The following SIK2 variants were observed in gnomAD, a reference collection of about 807,000 sequenced individuals.
SIK2 encodes the protein serine/threonine-protein kinase SIK2.
A neutral mutation model predicts 103.2 loss-of-function variants in SIK2; 29 were observed. The ratio of observed to expected loss-of-function variants is 0.28; its 90% confidence interval spans 0.21 to 0.38. The LOEUF (loss-of-function observed/expected upper bound fraction) is 0.38. Among genes scored for constraint, SIK2 ranks in the 10% least tolerant of loss-of-function variants. The pLI, the probability that SIK2 is intolerant of heterozygous loss-of-function variation, is 1.00. For synonymous variants in SIK2, 412 were observed against 446.1 expected, an observed-to-expected ratio of 0.92 and a Z score of 0.96; for missense variants, 879 against 1,171.0, an observed-to-expected ratio of 0.75 and a Z score of 3.64.
At chr11:111,707,719 AT>A (rs555758862) in intron 8 of SIK2, among the ~76,000 whole-genome samples, 1 of 152,120 alleles carries the variant, frequency 6.6e-6, no homozygotes, top group African/African-American at 2.4e-5. Flanking sequence ...TGATGTTCTA[AT>A]TTTTTTAAAA....
At chr11:111,615,138 C>CAAT (rs1267471108) in intron 1 of SIK2, among the ~76,000 whole-genome samples, 5 of 151,650 alleles carry the variant, frequency 3.3e-5, no homozygotes, top group Admixed American at 6.6e-5. Context: ...GACTCTGTAT[C>CAAT]AAATAAATAA....
At chr11:111,629,871 G>GT (rs1281523762) in intron 3 of SIK2, among the ~76,000 whole-genome samples, 3 of 152,180 alleles carry the variant, frequency 2.0e-5, no homozygotes, top group African/African-American at 7.2e-5. Flanking sequence ...TGGTAGGAAT[G>GT]TAAAATGGTA....
At chr11:111,623,380 T>C (rs1251889259) in intron 3 of SIK2, among the ~76,000 whole-genome samples, 1 of 152,240 alleles carries the variant, frequency 6.6e-6, no homozygotes, top group African/African-American at 2.4e-5. Context: ...ATGTTTCTCC[T>C]CAGTTTTGGT....
At chr11:111,714,369 G>A (rs2135954208) in intron 9 of SIK2, among the ~76,000 whole-genome samples, 1 of 152,332 alleles carries the variant, frequency 6.6e-6, no homozygotes, top group Middle Eastern at 3.4e-3. Context: ...AACAACTGAA[G>A]GAACAGTTGT....
At chr11:111,614,127 A>C (rs1941769812) in intron 1 of SIK2, among the ~76,000 whole-genome samples, 1 of 148,048 alleles carries the variant, frequency 6.8e-6, no homozygotes. Context: ...TGTCGCCCAG[A>C]CTGGAGCGCA....
At chr11:111,690,533 G>C (rs1591617807) in intron 4 of SIK2, among the ~76,000 whole-genome samples, 1 of 152,022 alleles carries the variant, frequency 6.6e-6, no homozygotes, top group East Asian at 1.9e-4. Context: ...ATGGTGGTTT[G>C]TTGCACCTAT....
intron 3 of SIK2, among the ~76,000 whole-genome samples, chr11:111,635,103 G>T (rs2135851640): frequency 6.6e-6 from 1 of 152,198 alleles, no homozygotes; most frequent in Non-Finnish European, 1.5e-5. Context: ...GTAACCACAT[G>T]AAAGAGCCAG....
rs1942635447 is a variant in SIK2 at position 111,672,104 on chromosome 11, G to A, written c.317-15897G>A. ...AACTTCTTGTCAAGGGTCTTGATCTGCTCCTTCTCCTGGTTACACACGGCC... is the reference window on the plus strand; with the variant it reads ...AACTTCTTGTCAAGGGTCTTGATCTACTCCTTCTCCTGGTTACACACGGCC... On this transcript the variant is annotated intron_variant, in intron 3 of 14. Transcript: ENST00000304987. 22 of 475,224 alleles carry A rather than the reference G, an allele frequency of 4.6e-5. 1 individual carries two copies. The highest frequency in any genetic ancestry group is 3.5e-4 in the South Asian group (21 of 59,336). 29.4% of individuals were successfully genotyped at this position (475,224 alleles called of 1,614,324 possible). A position where few individuals can be genotyped will look rare whatever the true frequency, so the allele number is the denominator to read the frequency against.
At chr11:111,658,985 A>G (rs1052683056) in intron 3 of SIK2, among the ~76,000 whole-genome samples, 2 of 152,176 alleles carry the variant, frequency 1.3e-5, no homozygotes, top group African/African-American at 4.8e-5. Flanking sequence ...TGTGTCAGAG[A>G]AGGATTTGAA....
At chr11:111,633,502 G>A (rs1166677507) in intron 3 of SIK2, among the ~76,000 whole-genome samples, 1 of 152,122 alleles carries the variant, frequency 6.6e-6, no homozygotes, top group East Asian at 1.9e-4. Flanking sequence ...AGGTTAAGTA[G>A]TCTGAGGTAC....
intron 9 of SIK2, 80 bp from the exon 10 acceptor site, chr11:111,719,695 A>C: frequency 1.4e-6 from 2 of 1,382,368 alleles, no homozygotes; most frequent in Non-Finnish European, 2.0e-6. Context: ...GTTCGCCACA[A>C]GTCTTGACAT....
chr11:111,716,502 G>C (rs2135959679), intron 9 of SIK2, among the ~76,000 whole-genome samples: 1 of 152,206 alleles, frequency 6.6e-6, no homozygotes, highest in Non-Finnish European at 1.5e-5. Context: ...GCTTGAACCT[G>C]GGAGATGGAG....
intron 6 of SIK2, among the ~76,000 whole-genome samples, chr11:111,702,292 A>G (rs900046136): frequency 3.9e-5 from 6 of 152,358 alleles, no homozygotes; most frequent in African/African-American, 1.2e-4. Flanking sequence ...GTTTAATTAA[A>G]TTAATCTGTC....
intron 3 of SIK2, among the ~76,000 whole-genome samples, chr11:111,631,583 G>A (rs981708790): frequency 1.4e-4 from 22 of 152,134 alleles, no homozygotes; most frequent in African/African-American, 5.3e-4. Context: ...TTATGAGCTG[G>A]AATAATAGAA....
intron 3 of SIK2, among the ~76,000 whole-genome samples, chr11:111,628,469 C>G (rs1465563496): frequency 2.2e-5 from 1 of 44,932 alleles, no homozygotes; most frequent in Non-Finnish European, 8.1e-5. Context: ...GACAGGATCT[C>G]ACTCTGTCAC....
intron 1 of SIK2, among the ~76,000 whole-genome samples, chr11:111,614,562 CAT>C (rs1941777496): frequency 2.6e-5 from 4 of 152,096 alleles, no homozygotes. Context: ...ATTTATTACT[CAT>C]TAAGTGAAGT....
chr11:111,672,113 C>A, intron 3 of SIK2: 1 of 467,524 alleles, frequency 2.1e-6, no homozygotes, highest in Admixed American at 2.5e-5. Context: ...TGCTCCTTCT[C>A]CTGGTTACAC....
At chr11:111,664,356 C>T (rs529708662) in intron 3 of SIK2, among the ~76,000 whole-genome samples, 7 of 152,218 alleles carry the variant, frequency 4.6e-5, no homozygotes, top group African/African-American at 1.4e-4. Context: ...GGCACGGTGG[C>T]TCACACCTGT....
chr11:111,639,910 A>G (rs578158975), intron 3 of SIK2, among the ~76,000 whole-genome samples: 35 of 152,250 alleles, frequency 2.3e-4, no homozygotes, highest in African/African-American at 7.9e-4. Context: ...GCCACCTTGG[A>G]CACTGCCCTG....
Sources: allele counts gnomAD v4.1 joint callset (sites outside exome capture counted in the v4.1 genomes callset), GRCh38; gene constraint gnomAD v4.1.1; transcripts MANE v1.5; gene names NCBI Gene and HGNC (gene_info 2026-07-23, HGNC 2026-07-21).